HLTF: variants seen among roughly 807,000 people sequenced by gnomAD.
The protein encoded by HLTF is helicase like transcription factor, also known as DNA-dependent ATPase/E3 ubiquitin-protein ligase HLTF.
Under a neutral mutation model 129.4 loss-of-function variants are expected in HLTF, and 127 were observed. The ratio of observed to expected loss-of-function variants is 0.98; its 90% confidence interval spans 0.85 to 1.14. The LOEUF is 1.14. Ranked by LOEUF, HLTF falls within the 50% of genes most tolerant of loss-of-function variation. The pLI is 0.00. For synonymous variants in HLTF, 332 were observed against 388.8 expected, an observed-to-expected ratio of 0.85 and a Z score of 1.72; for missense variants, 1,139 against 1,187.1, an observed-to-expected ratio of 0.96 and a Z score of 0.60.
chr3:149,036,144 CAAAA>C (rs1184355270), intron 23 of HLTF, among the ~76,000 whole-genome samples: 1 of 150,074 alleles, frequency 6.7e-6, no homozygotes, highest in Non-Finnish European at 1.5e-5. Flanking sequence ...CAAAAAAAAA[CAAAA>C]AACAAAAAAC....
At chr3:149,034,724 C>T (rs1296308667) in intron 24 of HLTF, among the ~76,000 whole-genome samples, 194 bp downstream of exon 24, 2 of 152,060 alleles carry the variant, frequency 1.3e-5, no homozygotes, top group African/African-American at 2.4e-5. Flanking sequence ...GAGATGTACA[C>T]ATAACTATAA....
At chr3:149,068,593 G>A (rs1269728999) in intron 7 of HLTF, among the ~76,000 whole-genome samples, 1 of 152,106 alleles carries the variant, frequency 6.6e-6, no homozygotes, top group Non-Finnish European at 1.5e-5. Flanking sequence ...TTGAATGACT[G>A]CTATTCTACA....
intron 14 of HLTF, among the ~76,000 whole-genome samples, chr3:149,053,566 A>C (rs1291896437): frequency 6.6e-6 from 1 of 152,052 alleles, no homozygotes; most frequent in Non-Finnish European, 1.5e-5. Flanking sequence ...AGCCAATTAA[A>C]ACTCTTAAAT....
intron 8 of HLTF, among the ~76,000 whole-genome samples, 200 bp from the exon 9 acceptor site, chr3:149,065,066 C>CAA (rs367993357): frequency 1.4e-5 from 2 of 137,958 alleles, no homozygotes; most frequent in African/African-American, 2.6e-5. Context: ...CGGGTTATCT[C>CAA]AAAAAAAAAA....
rs532174483 is a variant in HLTF at position 149,086,266 on chromosome 3, G to A, written c.20+51C>T. On this transcript the variant is annotated intron_variant, in intron 1 of 24. Coordinates refer to ENST00000310053, the MANE Select transcript of HLTF (RefSeq NM_003071.4). ...GCGGGGAAGGTCAGGTTCATTTGGG[G>A]ACGCCTCCAGGCCGTTAGACCGAGC... 4 of 1,573,406 alleles carry A rather than the reference G, an allele frequency of 2.5e-6. No homozygotes were observed. In the African/African-American group the frequency reaches 5.4e-5, roughly 21 times the overall value.
intron 15 of HLTF, 81 bp downstream of exon 15, chr3:149,050,151 A>G (rs1445451890): frequency 1.2e-6 from 1 of 818,582 alleles, no homozygotes; most frequent in African/African-American, 1.8e-5. Flanking sequence ...TAAAGCCTGA[A>G]TTTTGGAACA....
intron 3 of HLTF, among the ~76,000 whole-genome samples, chr3:149,074,767 T>C (rs557104346): frequency 1.3e-5 from 2 of 152,106 alleles, no homozygotes; most frequent in South Asian, 4.2e-4. Context: ...CCTGATAAAC[T>C]GAAAAAGGAG....
chr3:149,081,702 G>A (rs1157293386), intron 2 of HLTF, among the ~76,000 whole-genome samples: 2 of 152,036 alleles, frequency 1.3e-5, no homozygotes, highest in Admixed American at 1.3e-4. Context: ...TTAAAAAAAT[G>A]GCACATTTTA....
intron 12 of HLTF, 136 bp downstream of exon 12, chr3:149,060,507 T>A: frequency 1.5e-6 from 1 of 665,040 alleles, no homozygotes. Flanking sequence ...GTTAGCTCCA[T>A]GAAGAGTTCA....
chr3:149,049,452 G>C lies in HLTF; in HGVS notation c.1618-451C>G, dbSNP rs1224042839. 2.6e-5 allele frequency among the ~76,000 whole-genome samples: 4 copies of C among 152,040 alleles called. No individual in the cohort carries two copies. In the East Asian group the frequency reaches 7.7e-4, roughly 29 times the overall value. ...TAGAAGACTGAAATTTTGATAGCAA[G>C]GTATTTTTCAAAAAGTTTTAACTTT... On this transcript the variant is annotated intron_variant, in intron 15 of 24. Coordinates refer to ENST00000310053, the MANE Select transcript of HLTF (RefSeq NM_003071.4).
Position 149,064,856 on chromosome 3 carries a change from A to T in HLTF, c.1001T>A (p.Val334Asp). The T allele has an allele frequency of 6.3e-7, 1 of 1,587,230 alleles. No individual in the cohort carries two copies. The highest frequency in any genetic ancestry group is 8.6e-7 in the Non-Finnish European group (1 of 1,156,458). The change falls in exon 9 of 25, where the codon GTT (valine) becomes GAT (aspartate). Residue 334 changes from valine (V) to aspartate (D), a missense_variant. Physicochemically the swap from Val to Asp is radical, Grantham distance 152. Coordinates refer to ENST00000310053, the MANE Select transcript of HLTF (RefSeq NM_003071.4). ...TCCAAGTTTCATAGAGTCATCGTTAACATTATATTCCTGGGTAAATAGGCA... is the reference window on the plus strand; with the variant it reads ...TCCAAGTTTCATAGAGTCATCGTTATCATTATATTCCTGGGTAAATAGGCA... ...KKNLLKKEYN[V>D]NDDSMKLGGN...
At position 149,038,351 on chromosome 3, in the gene HLTF, A is replaced by G. The variant is rs530945099; in HGVS notation, c.2796+698T>C. On this transcript the variant is annotated intron_variant, in intron 23 of 24. Coordinates refer to ENST00000310053, the MANE Select transcript of HLTF (RefSeq NM_003071.4). Reference sequence around the variant, plus strand: ...AAAAGCATTACAGTTAATATTTATTATAGAAGAAAAGTAGAATAGCATAGC... The same window carrying G: ...AAAAGCATTACAGTTAATATTTATTGTAGAAGAAAAGTAGAATAGCATAGC... Among the ~76,000 whole-genome samples, 10 of 152,342 alleles carry G rather than the reference A, an allele frequency of 6.6e-5. 1 individual carries two copies. The South Asian group carries it at 1.9e-3, about 28-fold the overall frequency.
Position 149,068,318 on chromosome 3 carries a change from G to T in HLTF, c.912C>A (p.Ala304=). 1.3e-6 allele frequency: 2 copies of T among 1,527,406 alleles called. No individual in the cohort carries two copies. The highest frequency in any genetic ancestry group is 1.8e-6 in the Non-Finnish European group (2 of 1,108,614). The allele number at this position is 1,527,406 out of a possible 1,614,324, so 94.6% of individuals were successfully genotyped here. ...GGAAGTTGGTAAGGATTACTGCAAT[G>T]GCCGTAAGAGTTTTACCCTTAAAAA... The part of the protein sequence containing the change: ...DDMGLGKTLT[A]IAVILTNFHD... The change falls in exon 8 of 25, where the codon GCC becomes GCA. Residue 304 remains alanine (A), a synonymous_variant. Coordinates refer to ENST00000310053, the MANE Select transcript of HLTF (RefSeq NM_003071.4).
chr3:149,042,816 G>C (rs1169710568), intron 18 of HLTF, among the ~76,000 whole-genome samples: 2 of 152,072 alleles, frequency 1.3e-5, no homozygotes, highest in Non-Finnish European at 2.9e-5. Context: ...AAAACCTAAA[G>C]TAACTCAACA....
Position 149,055,315 on chromosome 3 carries a change from T to A in HLTF, c.1461A>T (p.Leu487Phe), listed in dbSNP as rs1185551597. Residue 487 changes from leucine (L) to phenylalanine (F), a missense_variant, in exon 14 of 25, where the codon TTA becomes TTT. By Grantham distance (22) the Leu-to-Phe change is conservative. Transcript: ENST00000310053. ...TTLIICPLSV[L>F]SNWIDQFGQH... is the part of the protein sequence containing the mutation. The stretch of plus-strand genomic sequence containing the variant: ...CTTAAAGACTTACAATCCAGTTGCT[T>A]AACACAGAAAGCGGACAGATGATCA... 8.7e-6 allele frequency: 14 copies of A among 1,612,208 alleles called. No individual in the cohort carries two copies. The highest frequency in any genetic ancestry group is 1.1e-5 in the Non-Finnish European group (13 of 1,178,346).
At chr3:149,060,262 T>A (rs1218511954) in intron 12 of HLTF, among the ~76,000 whole-genome samples, 1 of 152,046 alleles carries the variant, frequency 6.6e-6, no homozygotes, top group African/African-American at 2.4e-5. Flanking sequence ...AAAGAAAAAA[T>A]TTGATTATTT....
intron 18 of HLTF, among the ~76,000 whole-genome samples, chr3:149,043,172 G>A (rs1716268691): frequency 6.6e-6 from 1 of 151,390 alleles, no homozygotes; most frequent in Non-Finnish European, 1.5e-5. Context: ...GATGAAAGAT[G>A]AGCTGGTATG....
At position 149,049,064 on chromosome 3, in the gene HLTF, T is replaced by A; in HGVS notation, c.1618-63A>T. On this transcript the variant is annotated intron_variant, in intron 15 of 24. Transcript: ENST00000310053. The stretch of plus-strand genomic sequence containing the variant: ...AAAGTAAAATAGTACTTAATATGAT[T>A]TGCTAACTAGTTGTTATCATTATTT... 13 of 1,120,864 alleles carry A rather than the reference T, an allele frequency of 1.2e-5. No individual in the cohort carries two copies. The South Asian group carries it at 1.8e-4, about 15-fold the overall frequency. 69.4% of individuals were successfully genotyped at this position (1,120,864 alleles called of 1,614,324 possible).
intron 2 of HLTF, among the ~76,000 whole-genome samples, chr3:149,076,446 T>C (rs1719362806): frequency 6.6e-6 from 1 of 152,100 alleles, no homozygotes; most frequent in African/African-American, 2.4e-5. Flanking sequence ...TATTGGGAGG[T>C]ACTATCATTA....
Sources: allele counts gnomAD v4.1 joint callset (sites outside exome capture counted in the v4.1 genomes callset), GRCh38; gene constraint gnomAD v4.1.1; transcripts MANE v1.5; gene names NCBI Gene and HGNC (gene_info 2026-07-23, HGNC 2026-07-21).